Variants in ZNF362 observed in about 807,000 individuals in gnomAD.
ZNF362 encodes the protein rotund homolog.
ZNF362 carries 11 observed loss-of-function variants against 42.9 expected under a neutral mutation model. The ratio of observed to expected loss-of-function variants is 0.26; its 90% CI spans 0.16 to 0.42. The LOEUF (loss-of-function observed/expected upper bound fraction) is 0.42. ZNF362 is among the 20% of genes least tolerant of loss of function. The pLI, the probability that ZNF362 is intolerant of heterozygous loss-of-function variation, is 1.00. For synonymous variants in ZNF362, 255 were observed against 257.3 expected, an observed-to-expected ratio of 0.99 and a Z score of 0.09; for missense variants, 362 against 576.2, an observed-to-expected ratio of 0.63 and a Z score of 3.81.
At chr1:33,147,813 G>C in the ZNF362 span, 2 of 1,489,644 alleles carry the variant, frequency 1.3e-6, no homozygotes, top group African/African-American at 2.8e-5. The surrounding 1 kb of genome is among the most constrained non-coding windows in gnomAD (Gnocchi z 8.1). Flanking sequence ...GCAGAGTTCT[G>C]GTTGGTACGC....
intron 6 of ZNF362, among the ~76,000 whole-genome samples, chr1:33,283,987 T>C (rs999403288): frequency 6.6e-6 from 1 of 152,266 alleles, no homozygotes; most frequent in African/African-American, 2.4e-5. Context: ...TAGGAGACTT[T>C]GTAAGGCCTC....
chr1:33,198,027 G>GA, the ZNF362 span, among the ~76,000 whole-genome samples: 1 of 152,130 alleles, frequency 6.6e-6, no homozygotes, highest in South Asian at 2.1e-4. Flanking sequence ...CAAGAATGTT[G>GA]AAAGTAAGAC....
At chr1:33,165,472 T>C in the ZNF362 span, 9 of 1,599,202 alleles carry the variant, frequency 5.6e-6, no homozygotes, top group South Asian at 3.4e-5. This position sits in a 1 kb window ranked among gnomAD's most constrained non-coding sequence, Gnocchi z 4.0. Context: ...CAGGCTCACC[T>C]TGGTCTCCGC....
the ZNF362 span, chr1:33,165,626 C>G: frequency 6.9e-7 from 1 of 1,447,428 alleles, no homozygotes; most frequent in Non-Finnish European, 9.3e-7. This position sits in a 1 kb window ranked among gnomAD's most constrained non-coding sequence, Gnocchi z 4.0. Context: ...GGCATTCAGC[C>G]CTGACCACTG....
At chr1:33,255,751 C>G (rs975177835), upstream of ZNF362, among the ~76,000 whole-genome samples, 2 of 152,128 alleles carry the variant, frequency 1.3e-5, no homozygotes, top group Non-Finnish European at 2.9e-5. Flanking sequence ...AACTTCTACT[C>G]CCCACCCCTA....
At chr1:33,263,410 A>T (rs1317138700) in intron 1 of ZNF362, among the ~76,000 whole-genome samples, 1 of 151,484 alleles carries the variant, frequency 6.6e-6, no homozygotes, top group East Asian at 1.9e-4. Context: ...CACACAAATG[A>T]TGATTTTTTT....
the ZNF362 span, chr1:33,164,931 T>C: frequency 6.6e-6 from 1 of 151,188 alleles, no homozygotes; most frequent in Non-Finnish European, 1.5e-5. Flanking sequence ...TACAGGCATG[T>C]GCCACTACGC....
At chr1:33,175,001 G>GTATCTATATGTATATGTATATGTA in the ZNF362 span, among the ~76,000 whole-genome samples, 1 of 135,646 alleles carries the variant, frequency 7.4e-6, no homozygotes, top group African/African-American at 2.9e-5. Context: ...ACACACACAT[G>GTATCTATATGTATATGTATATGTA]TATGTATATG....
rs970023059 is a variant in ZNF362, at chr1:33,286,614, G to A, written c.908+4803G>A. On this transcript the variant is annotated intron_variant, in intron 6 of 8. Coordinates refer to ENST00000539719, the MANE Select transcript of ZNF362 (RefSeq NM_152493.3). The stretch of plus-strand genomic sequence containing the variant: ...GAAGACAGTTTATAAGTCACTAGAC[G>A]CTTGCACATATAATTAAACTGATAT... Among the ~76,000 whole-genome samples the A allele has an allele frequency of 5.9e-5, 9 of 152,142 alleles. No individual in the cohort carries two copies. In the East Asian group the frequency reaches 9.7e-4, roughly 16 times the overall value.
the ZNF362 span, among the ~76,000 whole-genome samples, chr1:33,243,812 T>C: frequency 6.7e-6 from 1 of 149,596 alleles, no homozygotes; most frequent in Non-Finnish European, 1.5e-5. Context: ...GGTTTCACCG[T>C]GTTAGCCAGA....
the ZNF362 span, among the ~76,000 whole-genome samples, chr1:33,224,624 A>C: frequency 6.6e-6 from 1 of 152,214 alleles, no homozygotes; most frequent in Non-Finnish European, 1.5e-5. Context: ...ATTGCAAGAG[A>C]TCTATAAGAG....
chr1:33,237,433 C>T, the ZNF362 span, among the ~76,000 whole-genome samples: 1 of 152,118 alleles, frequency 6.6e-6, no homozygotes, highest in South Asian at 2.1e-4. Context: ...AGCATCTCTT[C>T]CCTACGCTGA....
rs755154398 is a variant in ZNF362, at chr1:33,280,190, G to C, written c.416G>C (p.Gly139Ala). The C allele has an allele frequency of 1.9e-6, 3 of 1,612,940 alleles. No individual in the cohort carries two copies. Among genetic ancestry groups the C allele is most frequent in the Non-Finnish European group, 2.5e-6 (3 of 1,179,292 alleles). The part of the protein sequence containing the change: ...TSESSAGAGT[G>A]TGTSTPSTPT... Reference sequence around the variant, plus strand: ...GAGTCAAGCGCGGGCGCGGGCACGGGCACGGGTACCAGCACCCCGTCCACA... The same window carrying C: ...GAGTCAAGCGCGGGCGCGGGCACGGCCACGGGTACCAGCACCCCGTCCACA... The change falls in exon 5 of 9, where the codon GGC becomes GCC. Residue 139 changes from glycine (G) to alanine (A), a missense_variant. Transcript: ENST00000539719. This position sits in a 1 kb window ranked among gnomAD's most constrained non-coding sequence, Gnocchi z 5.6.
At chr1:33,134,407 C>G in the ZNF362 span, among the ~76,000 whole-genome samples, 2 of 152,262 alleles carry the variant, frequency 1.3e-5, no homozygotes, top group South Asian at 2.1e-4. Flanking sequence ...AGCTAAGGCG[C>G]TTAGGTAGCA....
chr1:33,155,147 T>C, the ZNF362 span, among the ~76,000 whole-genome samples: 1 of 148,994 alleles, frequency 6.7e-6, no homozygotes, highest in African/African-American at 2.5e-5. Context: ...TCTCGGCTCA[T>C]TGCAGCCTTC....
chr1:33,267,296 A>T (rs1645871399), intron 1 of ZNF362, among the ~76,000 whole-genome samples: 1 of 152,178 alleles, frequency 6.6e-6, no homozygotes, highest in South Asian at 2.1e-4. Flanking sequence ...GAAAACAGGG[A>T]TATGAAATAA....
intron 1 of ZNF362, among the ~76,000 whole-genome samples, chr1:33,262,688 G>A (rs996541232): frequency 7.2e-5 from 11 of 152,016 alleles, no homozygotes; most frequent in African/African-American, 1.9e-4. Context: ...CTTGAGAGGG[G>A]GCACAACCCT....
At chr1:33,262,381 T>C (rs1645834514) in intron 1 of ZNF362, among the ~76,000 whole-genome samples, 1 of 2,264 alleles carries the variant, frequency 4.4e-4, no homozygotes, top group Non-Finnish European at 1.0e-3. Context: ...CTCCCCTCAC[T>C]GTAAGCTCCG....
At chr1:33,228,899 T>A in the ZNF362 span, among the ~76,000 whole-genome samples, 1 of 152,174 alleles carries the variant, frequency 6.6e-6, no homozygotes, top group African/African-American at 2.4e-5. Flanking sequence ...TGGCAATGGC[T>A]AACAAACTTC....
Sources: allele counts gnomAD v4.1 joint callset (sites outside exome capture counted in the v4.1 genomes callset), GRCh38; gene constraint gnomAD v4.1.1; non-coding constraint Gnocchi (gnomAD v3.1); transcripts MANE v1.5; gene names NCBI Gene and HGNC (gene_info 2026-07-23, HGNC 2026-07-21).